Variants in SCHIP1 observed in about 807,000 individuals in gnomAD.
SCHIP1 encodes the protein schwannomin interacting protein 1.
SCHIP1 carries 8 observed loss-of-function variants against 29.7 expected under a neutral mutation model. The observed-to-expected ratio is 0.27, with a 90% confidence interval of 0.16 to 0.49. SCHIP1 has a LOEUF of 0.49. Ranked by LOEUF, SCHIP1 falls within the 20% of genes least tolerant of loss-of-function variation. SCHIP1 has a pLI of 0.99. For synonymous variants in SCHIP1, 76 were observed against 94.9 expected (o/e 0.80, Z 1.16); for missense variants, 193 against 294.6 (o/e 0.66, Z 2.52).
At chr3:159,487,931 A>T in the SCHIP1 span, among the ~76,000 whole-genome samples, 13 of 152,228 alleles carry the variant, frequency 8.5e-5, no homozygotes, top group Admixed American at 7.2e-4. Flanking sequence ...TTTATCTTCC[A>T]TAACACATGA....
chr3:159,626,252 A>C, the SCHIP1 span, among the ~76,000 whole-genome samples: 922 of 39,172 alleles, frequency 0.024, 13 homozygotes, highest in Non-Finnish European at 0.038. Flanking sequence ...ATCTATCTAT[A>C]TAGATAGATA....
chr3:159,441,293 G>A, the SCHIP1 span, among the ~76,000 whole-genome samples: 1 of 152,126 alleles, frequency 6.6e-6, no homozygotes, highest in Non-Finnish European at 1.5e-5. Flanking sequence ...AGATAGCATG[G>A]ACCTGTTTAG....
the SCHIP1 span, among the ~76,000 whole-genome samples, chr3:159,280,091 G>A: frequency 6.6e-6 from 1 of 152,122 alleles, no homozygotes; most frequent in East Asian, 1.9e-4. Flanking sequence ...GCATAGCAGT[G>A]TATTCTGTAA....
At chr3:159,430,246 A>C in the SCHIP1 span, among the ~76,000 whole-genome samples, 6 of 152,220 alleles carry the variant, frequency 3.9e-5, no homozygotes, top group Admixed American at 2.0e-4. Context: ...TTTAGATATT[A>C]ACCACCAATT....
the SCHIP1 span, among the ~76,000 whole-genome samples, chr3:159,421,402 T>C: frequency 6.6e-6 from 1 of 152,220 alleles, no homozygotes; most frequent in East Asian, 1.9e-4. Flanking sequence ...CCTGGGATGT[T>C]GTGGAGGAGA....
intron 1 of SCHIP1, among the ~76,000 whole-genome samples, chr3:159,854,052 G>A (rs1017132370): frequency 1.3e-5 from 2 of 152,126 alleles, no homozygotes; most frequent in Non-Finnish European, 2.9e-5. Flanking sequence ...TAAACTACAA[G>A]TATATGCTTA....
chr3:159,610,781 T>C, the SCHIP1 span, among the ~76,000 whole-genome samples: 1 of 152,064 alleles, frequency 6.6e-6, no homozygotes, highest in African/African-American at 2.4e-5. Flanking sequence ...GAAGATGGTT[T>C]AATTGTGCTG....
chr3:159,506,742 G>C, the SCHIP1 span, among the ~76,000 whole-genome samples: 2 of 152,140 alleles, frequency 1.3e-5, no homozygotes, highest in South Asian at 4.1e-4. Context: ...CCCATTTCTT[G>C]TTTTTCTCAG....
At chr3:159,509,429 A>G in the SCHIP1 span, among the ~76,000 whole-genome samples, 1 of 152,198 alleles carries the variant, frequency 6.6e-6, no homozygotes, top group East Asian at 1.9e-4. Context: ...CCAATTTGCC[A>G]GTATGTGTCT....
the SCHIP1 span, among the ~76,000 whole-genome samples, chr3:159,677,116 G>T: frequency 6.6e-6 from 1 of 152,080 alleles, no homozygotes; most frequent in Non-Finnish European, 1.5e-5. Context: ...GGGGCCAAAA[G>T]GTCTTGCCCA....
chr3:159,723,084 TC>T, the SCHIP1 span, among the ~76,000 whole-genome samples: 1 of 152,200 alleles, frequency 6.6e-6, no homozygotes, highest in African/African-American at 2.4e-5. Context: ...GTTTTCTGAC[TC>T]CTTGAGCAGA....
the SCHIP1 span, chr3:159,273,369 T>C: frequency 1.0e-6 from 1 of 996,146 alleles, no homozygotes; most frequent in Non-Finnish European, 1.2e-6. Context: ...TGTGGAATTC[T>C]TAACTCTATT....
chr3:159,867,970 GTGATTTATATATATATATATAAATCAA>G (rs71144500), intron 2 of SCHIP1, among the ~76,000 whole-genome samples: 164 of 143,880 alleles, frequency 1.1e-3, no homozygotes, highest in African/African-American at 3.7e-3. Flanking sequence ...TTGAAAATCA[GTGATTTATATATATATATATAAATCAA>G]TGATTTATAT....
the SCHIP1 span, among the ~76,000 whole-genome samples, chr3:159,407,105 A>G: frequency 3.9e-5 from 6 of 152,330 alleles, 1 homozygote; most frequent in South Asian, 1.2e-3. Flanking sequence ...GGCTGAATGG[A>G]TTTTTAAAAA....
chr3:159,649,411 C>T, the SCHIP1 span, among the ~76,000 whole-genome samples: 1 of 152,012 alleles, frequency 6.6e-6, no homozygotes, highest in African/African-American at 2.4e-5. Flanking sequence ...AAAATAAACA[C>T]AAAACTGACA....
chr3:159,630,783 G>A, the SCHIP1 span, among the ~76,000 whole-genome samples: 2 of 152,134 alleles, frequency 1.3e-5, no homozygotes, highest in Admixed American at 6.5e-5. Context: ...CTGCTTGGGC[G>A]ATGGGTGCAC....
chr3:159,626,169 TATCTATCTATCTAG>T, the SCHIP1 span, among the ~76,000 whole-genome samples: 9 of 52,226 alleles, frequency 1.7e-4, 1 homozygote, highest in African/African-American at 1.1e-3. Context: ...TATCTAGATA[TATCTATCTATCTAG>T]ATAGATAGAT....
At chr3:159,523,665 A>C in the SCHIP1 span, among the ~76,000 whole-genome samples, 1 of 152,164 alleles carries the variant, frequency 6.6e-6, no homozygotes, top group African/African-American at 2.4e-5. Context: ...TTACGCATCC[A>C]TCCATCTATC....
the SCHIP1 span, among the ~76,000 whole-genome samples, chr3:159,512,507 AAGAAT>A: frequency 1.3e-5 from 2 of 152,222 alleles, no homozygotes; most frequent in African/African-American, 4.8e-5. Context: ...TTGTCATAGA[AAGAAT>A]AGAATATATA....
Sources: gnomAD v4.1 joint callset for allele counts (sites outside exome capture counted in the v4.1 genomes callset) on GRCh38, gnomAD v4.1.1 for gene constraint, MANE v1.5 for transcripts, NCBI Gene and HGNC (gene_info 2026-07-23, HGNC 2026-07-21) for gene names.